The following NRXN1 variants were observed in gnomAD, a reference collection of about 807,000 sequenced individuals.
NRXN1 encodes neurexin-1.
Under a neutral mutation model 150.9 loss-of-function variants are expected in NRXN1, and 39 were observed. That is an observed-to-expected ratio of 0.26 (90% CI 0.20 to 0.34). NRXN1 has a LOEUF of 0.34. NRXN1 is among the 10% of genes least tolerant of loss of function. NRXN1 has a pLI of 1.00. For synonymous variants in NRXN1, 924 were observed against 757.0 expected (o/e 1.22, Z -3.62); for missense variants, 1,815 against 1,949.9 (o/e 0.93, Z 1.30).
chr2:50,493,183 G>A (rs981833165), intron 15 of NRXN1, among the ~76,000 whole-genome samples: 1 of 152,284 alleles, frequency 6.6e-6, no homozygotes, highest in African/African-American at 2.4e-5. Context: ...CTGCAGCTCA[G>A]TGCTACATGA....
chr2:50,713,972 C>G (rs568904600), intron 5 of NRXN1, among the ~76,000 whole-genome samples: 1 of 151,864 alleles, frequency 6.6e-6, no homozygotes, highest in Non-Finnish European at 1.5e-5. Flanking sequence ...TCCTCAACAA[C>G]GATATAAATA....
chr2:50,739,196 C>A (rs1406114332), intron 5 of NRXN1: 1 of 432,772 alleles, frequency 2.3e-6, no homozygotes, highest in Non-Finnish European at 4.7e-6. Context: ...TATGGATTTT[C>A]TGACAGTACA....
chr2:50,120,567 A>G (rs114843052), intron 18 of NRXN1, among the ~76,000 whole-genome samples: 1,780 of 152,292 alleles, frequency 0.012, 36 homozygotes, highest in African/African-American at 0.04. Flanking sequence ...ACAACAGGAA[A>G]TGAAAGTACA....
At chr2:50,489,293 G>A (rs1247737514) in intron 15 of NRXN1, among the ~76,000 whole-genome samples, 1 of 152,154 alleles carries the variant, frequency 6.6e-6, no homozygotes, top group Admixed American at 6.5e-5. Context: ...AATGGGATGG[G>A]TTGGGATCTT....
At chr2:50,371,477 A>T (rs2080021909) in intron 17 of NRXN1, among the ~76,000 whole-genome samples, 1 of 152,116 alleles carries the variant, frequency 6.6e-6, no homozygotes, top group African/African-American at 2.4e-5. Flanking sequence ...AGAAAGACCT[A>T]TATACATTAA....
intron 2 of NRXN1, among the ~76,000 whole-genome samples, chr2:50,935,979 G>A (rs915953873): frequency 1.3e-5 from 2 of 152,020 alleles, no homozygotes; most frequent in Non-Finnish European, 2.9e-5. Context: ...ATAGAAAACT[G>A]ACCTTTTTAT....
intron 17 of NRXN1, among the ~76,000 whole-genome samples, chr2:50,412,182 G>A (rs1034600062): frequency 1.3e-5 from 2 of 151,826 alleles, no homozygotes; most frequent in African/African-American, 2.4e-5. Flanking sequence ...TGCAGAAGGC[G>A]GCAGGGCCCT....
At chr2:50,511,304 C>G (rs1187635274) in intron 12 of NRXN1, among the ~76,000 whole-genome samples, 1 of 152,198 alleles carries the variant, frequency 6.6e-6, no homozygotes, top group Non-Finnish European at 1.5e-5. Context: ...CTCTGCCAGC[C>G]TTGGCCTACC....
chr2:50,808,395 G>C (rs1667788809), intron 5 of NRXN1, among the ~76,000 whole-genome samples: 1 of 151,960 alleles, frequency 6.6e-6, no homozygotes, highest in African/African-American at 2.4e-5. Flanking sequence ...TGTTAATTTT[G>C]AGTTGGCAGA....
At chr2:50,551,074 A>AGAAGAAGAAGAAGAAGAAGAAGAG (rs1553775804) in intron 9 of NRXN1, among the ~76,000 whole-genome samples, 2 of 110,782 alleles carry the variant, frequency 1.8e-5, no homozygotes. Context: ...AAGAAGAAGA[A>AGAAGAAGAAGAAGAAGAAGAAGAG]GAGGAGGAGG....
chr2:50,926,536 C>T (rs62142986), intron 2 of NRXN1, among the ~76,000 whole-genome samples: 12,597 of 151,772 alleles, frequency 0.083, 574 homozygotes, highest in South Asian at 0.12. Flanking sequence ...TAATTTATAG[C>T]ATATTAATAT....
chr2:50,389,580 G>A (rs2081554599), intron 17 of NRXN1, among the ~76,000 whole-genome samples: 2 of 151,904 alleles, frequency 1.3e-5, no homozygotes, highest in Non-Finnish European at 2.9e-5. Flanking sequence ...TGTCCAATTA[G>A]TTTTTCAAGG....
chr2:50,277,095 G>C (rs2070585134), intron 17 of NRXN1, among the ~76,000 whole-genome samples: 1 of 151,988 alleles, frequency 6.6e-6, no homozygotes, highest in African/African-American at 2.4e-5. Flanking sequence ...ATGTAAGAAT[G>C]TTTTTAAAAT....
chr2:49,981,882 T>C (rs1055337564), intron 21 of NRXN1, among the ~76,000 whole-genome samples: 1 of 152,138 alleles, frequency 6.6e-6, no homozygotes, highest in Admixed American at 6.5e-5. Flanking sequence ...TTTTCCAAAG[T>C]TAAGTTGCTT....
intron 17 of NRXN1, among the ~76,000 whole-genome samples, chr2:50,409,880 C>A (rs867835494): frequency 8.5e-5 from 13 of 152,204 alleles, no homozygotes; most frequent in African/African-American, 2.9e-4. Context: ...TTATTATACT[C>A]TTCAGTTAAA....
At chr2:50,851,666 A>C (rs971444222) in intron 5 of NRXN1, among the ~76,000 whole-genome samples, 7 of 152,184 alleles carry the variant, frequency 4.6e-5, no homozygotes, top group African/African-American at 1.7e-4. Context: ...ATAAACGGAT[A>C]AATTCCTAAG....
intron 5 of NRXN1, among the ~76,000 whole-genome samples, chr2:50,656,125 C>T (rs1686419122): frequency 6.6e-6 from 1 of 151,924 alleles, no homozygotes; most frequent in Non-Finnish European, 1.5e-5. Context: ...TTTTCTGGGA[C>T]TTCTGAAATA....
At chr2:50,047,000 T>A (rs1573594444) in intron 21 of NRXN1, among the ~76,000 whole-genome samples, 1 of 152,304 alleles carries the variant, frequency 6.6e-6, no homozygotes, top group Admixed American at 6.5e-5. Context: ...AGGGCTAAAC[T>A]TTTCAGTCTA....
intron 5 of NRXN1, among the ~76,000 whole-genome samples, chr2:50,665,047 T>C (rs187350951): frequency 6.6e-6 from 1 of 151,982 alleles, no homozygotes; most frequent in Non-Finnish European, 1.5e-5. Flanking sequence ...TCTCTTAACA[T>C]AATATGGTTG....
Sources: gnomAD v4.1 joint callset for allele counts (sites outside exome capture counted in the v4.1 genomes callset) on GRCh38, gnomAD v4.1.1 for gene constraint, MANE v1.5 for transcripts, NCBI Gene and HGNC (gene_info 2026-07-23, HGNC 2026-07-21) for gene names.